Variants in MGAT5B observed in about 807,000 individuals in gnomAD.
The protein encoded by MGAT5B is alpha-1,6-mannosylglycoprotein 6-beta-N-acetylglucosaminyltransferase B.
A neutral mutation model predicts 95.1 loss-of-function variants in MGAT5B; 54 were observed. That is an observed-to-expected ratio of 0.57 (90% confidence interval 0.46 to 0.71). The LOEUF (loss-of-function observed/expected upper bound fraction) is 0.71, where lower values mean the gene tolerates loss of function less well. Ranked by LOEUF, MGAT5B falls within the 30% of genes least tolerant of loss-of-function variation. MGAT5B has a pLI of 0.00. For synonymous variants in MGAT5B, 464 were observed against 451.0 expected (o/e 1.03, Z -0.36); for missense variants, 935 against 1,088.6 (o/e 0.86, Z 1.99).
chr17:76,946,509 C>G, intron 16 of MGAT5B, 59 bp downstream of exon 16: 3 of 1,431,638 alleles, frequency 2.1e-6, no homozygotes, highest in Non-Finnish European at 2.8e-6. Context: ...GGGGGCTGAG[C>G]CAGCTTCATT....
At position 76,868,408 on chromosome 17, in the gene MGAT5B, G is replaced by A. The variant is rs1466081765; in HGVS notation, c.-622G>A. 3.3e-5 allele frequency: 5 copies of A among 151,484 alleles called. No homozygotes were observed. In the East Asian group the frequency reaches 9.7e-4, roughly 29 times the overall value. The allele number at this position is 151,484 out of a possible 1,614,324, so 9.4% of individuals were successfully genotyped here. On this transcript the variant is annotated 5_prime_UTR_variant, in exon 1 of 18. Transcript: ENST00000569840. The surrounding 1 kb of genome is among the most constrained non-coding windows in gnomAD (Gnocchi z 6.3). Reference sequence around the variant, plus strand: ...CTCCCGGGCCGCCCCAGCGCCGCTCGGCCGCCTCCTCCGAGGAACAATGCG... The same window carrying A: ...CTCCCGGGCCGCCCCAGCGCCGCTCAGCCGCCTCCTCCGAGGAACAATGCG...
intron 2 of MGAT5B, among the ~76,000 whole-genome samples, chr17:76,880,645 G>A (rs1003211071): frequency 3.3e-5 from 5 of 152,218 alleles, no homozygotes; most frequent in Non-Finnish European, 7.3e-5. Flanking sequence ...CGGGGATGCT[G>A]AAGCTCAGAG....
chr17:76,920,558 C>T (rs1016113653), intron 8 of MGAT5B, among the ~76,000 whole-genome samples: 42 of 152,194 alleles, frequency 2.8e-4, no homozygotes, highest in Non-Finnish European at 4.4e-5. Context: ...GGGTGAGGCT[C>T]AGATTTCTTC....
In MGAT5B at chr17:76,938,265, C is replaced by A; in HGVS notation, c.1584+122C>A. 7.7e-7 allele frequency: 1 copy of A among 1,299,606 alleles called. No homozygotes were observed. 80.5% of individuals were successfully genotyped at this position (1,299,606 alleles called of 1,614,324 possible). ...TATGGACATACCCCAGCATGCTCTG[C>A]TGCCCTGAGCCCCACATCTGGCCAG... On this transcript the variant is annotated intron_variant, in intron 13 of 17. Coordinates refer to ENST00000569840, the MANE Select transcript of MGAT5B (RefSeq NM_001199172.2). This position sits in a 1 kb window ranked among gnomAD's most constrained non-coding sequence, Gnocchi z 4.3.
Position 76,943,155 on chromosome 17 carries a change from T to G in MGAT5B, c.1848+2307T>G, listed in dbSNP as rs577051101. 5.3e-5 allele frequency among the ~76,000 whole-genome samples: 8 copies of G among 151,804 alleles called. No homozygotes were observed. The South Asian group carries it at 6.3e-4, about 12-fold the overall frequency. ...ATTGATAACTGGGGGAAGGACTGAC[T>G]GTCTGCGGTGAGAGGAAACTTCCCT... is the stretch of plus-strand genomic sequence containing the variant. On this transcript the variant is annotated intron_variant, in intron 15 of 17. Transcript: ENST00000569840.
chr17:76,876,608 G>A (rs1006687261), intron 2 of MGAT5B, among the ~76,000 whole-genome samples: 4 of 152,160 alleles, frequency 2.6e-5, no homozygotes, highest in Non-Finnish European at 5.9e-5. Flanking sequence ...GGCTTTTCTC[G>A]AAAAGAAGAG....
At chr17:76,920,749 G>T (rs1466980653) in intron 8 of MGAT5B, among the ~76,000 whole-genome samples, 1 of 152,178 alleles carries the variant, frequency 6.6e-6, no homozygotes, top group Non-Finnish European at 1.5e-5. Context: ...TTGAGCACGT[G>T]GAAGGCCACT....
chr17:76,926,825 C>T, intron 10 of MGAT5B, 95 bp downstream of exon 10: 1 of 1,462,052 alleles, frequency 6.8e-7, no homozygotes, highest in Non-Finnish European at 9.4e-7. Context: ...TCCTCCCTCT[C>T]TTTCCTTCTC....
rs78982902 is a variant in MGAT5B at position 76,883,957 on chromosome 17, G to T, written c.329+1659G>T. ...GGATCCGTTGCCATGTAGCCTGCTG[G>T]TGCTGGGCTGCTGGCCATGGGGCCA... On this transcript the variant is annotated intron_variant, in intron 3 of 17. Transcript: ENST00000569840. Among the ~76,000 whole-genome samples, 4 of 152,200 alleles carry T rather than the reference G, an allele frequency of 2.6e-5. 1 individual carries two copies. The South Asian group carries it at 8.3e-4, about 32-fold the overall frequency.
At chr17:76,891,792 T>C (rs947803425) in intron 3 of MGAT5B, among the ~76,000 whole-genome samples, 12 of 152,128 alleles carry the variant, frequency 7.9e-5, no homozygotes, top group African/African-American at 2.7e-4. Flanking sequence ...CCTCCAAGGG[T>C]TGCCTCCTTT....
At chr17:76,890,979 T>C in intron 3 of MGAT5B, among the ~76,000 whole-genome samples, 1 of 121,906 alleles carries the variant, frequency 8.2e-6, no homozygotes, top group African/African-American at 3.5e-5. Flanking sequence ...TTTTTTTTTT[T>C]TTGGAGACTG....
intron 5 of MGAT5B, 102 bp downstream of exon 5, chr17:76,903,478 G>A: frequency 1.2e-6 from 1 of 835,216 alleles, no homozygotes; most frequent in Non-Finnish European, 1.8e-6. Context: ...CAACCTCAGG[G>A]AAACAGCTTC....
chr17:76,936,759 G>A (rs1052453865), intron 12 of MGAT5B, among the ~76,000 whole-genome samples: 2 of 152,158 alleles, frequency 1.3e-5, no homozygotes, highest in African/African-American at 2.4e-5. Context: ...CACTGTGTGT[G>A]GGTCTATTTC....
chr17:76,932,872 T>G, intron 11 of MGAT5B, 97 bp downstream of exon 11: 1 of 1,497,728 alleles, frequency 6.7e-7, no homozygotes, highest in South Asian at 1.3e-5. Flanking sequence ...GGTGCCCTCC[T>G]CCCGCCCCAG....
At chr17:76,919,941 C>T (rs532491508) in intron 8 of MGAT5B, among the ~76,000 whole-genome samples, 3 of 152,138 alleles carry the variant, frequency 2.0e-5, no homozygotes, top group African/African-American at 7.2e-5. Context: ...GTAGCTTTTC[C>T]GGGTGGATTA....
At position 76,869,202 on chromosome 17, in the gene MGAT5B, T is replaced by A; in HGVS notation, c.68+105T>A. On this transcript the variant is annotated intron_variant, in intron 1 of 17. Transcript: ENST00000569840. This position sits in a 1 kb window ranked among gnomAD's most constrained non-coding sequence, Gnocchi z 7.0. ...AAGTCCTGGTGGCAGAGGGGGCGGT[T>A]CACACTTCAACCCCTGGTGATGACC... The A allele has an allele frequency of 2.0e-6, 2 of 1,004,322 alleles. No homozygotes were observed. The allele number at this position is 1,004,322 out of a possible 1,614,324, so 62.2% of individuals were successfully genotyped here.
chr17:76,920,650 G>T (rs1969097064), intron 8 of MGAT5B, among the ~76,000 whole-genome samples: 1 of 152,074 alleles, frequency 6.6e-6, no homozygotes, highest in African/African-American at 2.4e-5. Context: ...CCAGGGCTGG[G>T]GACATGTGGG....
chr17:76,890,240 C>T (rs139316836), intron 3 of MGAT5B, among the ~76,000 whole-genome samples: 233 of 152,338 alleles, frequency 1.5e-3, no homozygotes, highest in African/African-American at 5.2e-3. Flanking sequence ...GGAGCAATTT[C>T]GGGGTCGGGA....
At chr17:76,933,456 G>A (rs918818789) in intron 12 of MGAT5B, among the ~76,000 whole-genome samples, 159 bp downstream of exon 12, 11 of 152,326 alleles carry the variant, frequency 7.2e-5, no homozygotes, top group African/African-American at 2.6e-4. Context: ...GGGTGATGGG[G>A]ACAGCAGGGT....
Sources: allele counts gnomAD v4.1 joint callset (sites outside exome capture counted in the v4.1 genomes callset), GRCh38; gene constraint gnomAD v4.1.1; non-coding constraint Gnocchi (gnomAD v3.1); transcripts MANE v1.5; gene names NCBI Gene and HGNC (gene_info 2026-07-23, HGNC 2026-07-21).